Variants in KHDRBS2 observed in about 807,000 individuals in gnomAD.
The protein encoded by KHDRBS2 is KH domain-containing, RNA-binding, signal transduction-associated protein 2.
KHDRBS2 carries 26 observed loss-of-function variants against 44.3 expected under a neutral mutation model. That is an observed-to-expected ratio of 0.59 (90% CI 0.43 to 0.81). KHDRBS2 has a LOEUF of 0.81. Among genes scored for constraint, KHDRBS2 ranks in the 40% least tolerant of loss-of-function variants. The pLI, the probability that KHDRBS2 is intolerant of heterozygous loss-of-function variation, is 0.00. For missense variants in KHDRBS2, 476 were observed against 433.1 expected, an observed-to-expected ratio of 1.10 and a Z score of -0.88; for synonymous variants, 194 against 151.1, an observed-to-expected ratio of 1.28 and a Z score of -2.08.
chr6:61,986,449 G>T (rs569522597), intron 3 of KHDRBS2, among the ~76,000 whole-genome samples: 93 of 152,306 alleles, frequency 6.1e-4, no homozygotes, highest in African/African-American at 2.1e-3. Flanking sequence ...ATAAGGAAGA[G>T]TGTATCAGTT....
intron 1 of KHDRBS2, among the ~76,000 whole-genome samples, chr6:62,212,659 G>A (rs1829269035): frequency 6.6e-6 from 1 of 152,132 alleles, no homozygotes; most frequent in Non-Finnish European, 1.5e-5. Flanking sequence ...TTAGAATGAT[G>A]CAACTACATG....
At chr6:62,170,520 C>T (rs1819772556) in intron 2 of KHDRBS2, among the ~76,000 whole-genome samples, 1 of 152,120 alleles carries the variant, frequency 6.6e-6, no homozygotes, top group Admixed American at 6.5e-5. Context: ...AAGAGCCTAT[C>T]CGCTGGCTAA....
chr6:61,672,490 C>T, the KHDRBS2 span, among the ~76,000 whole-genome samples: 1 of 152,120 alleles, frequency 6.6e-6, no homozygotes, highest in Non-Finnish European at 1.5e-5. Context: ...TATTTCTCCA[C>T]ATCCTCTCCA....
At chr6:61,599,466 C>CT in the KHDRBS2 span, among the ~76,000 whole-genome samples, 1 of 151,808 alleles carries the variant, frequency 6.6e-6, no homozygotes, top group Non-Finnish European at 1.5e-5. Flanking sequence ...ATGTAGCCCC[C>CT]CCAAAAAATT....
chr6:61,874,557 G>A (rs556584517), intron 6 of KHDRBS2, among the ~76,000 whole-genome samples: 40 of 152,042 alleles, frequency 2.6e-4, no homozygotes, highest in African/African-American at 8.4e-4. Context: ...GCTTCTTTTC[G>A]TATATCCACA....
intron 3 of KHDRBS2, among the ~76,000 whole-genome samples, chr6:61,982,598 A>G (rs1346880599): frequency 6.6e-6 from 1 of 151,580 alleles, no homozygotes; most frequent in Non-Finnish European, 1.5e-5. Context: ...ATGAACCCGG[A>G]AGGTGGAGCT....
At chr6:61,961,577 T>C (rs1768733606) in intron 4 of KHDRBS2, among the ~76,000 whole-genome samples, 2 of 151,928 alleles carry the variant, frequency 1.3e-5, no homozygotes, top group Non-Finnish European at 2.9e-5. Flanking sequence ...TTTGAAAGAA[T>C]GACATTTGAA....
intron 2 of KHDRBS2, among the ~76,000 whole-genome samples, chr6:62,108,480 C>T (rs1457461298): frequency 6.6e-6 from 1 of 152,064 alleles, no homozygotes; most frequent in Non-Finnish European, 1.5e-5. Context: ...GAAATAGGAA[C>T]ACTTTTACAC....
chr6:61,579,379 C>A, the KHDRBS2 span, among the ~76,000 whole-genome samples: 3 of 152,092 alleles, frequency 2.0e-5, no homozygotes, highest in Non-Finnish European at 4.4e-5. Context: ...ACTGGGGAAC[C>A]AAAGCAAACT....
At chr6:62,002,978 T>C (rs1247376540) in intron 3 of KHDRBS2, among the ~76,000 whole-genome samples, 1 of 152,136 alleles carries the variant, frequency 6.6e-6, no homozygotes, top group Non-Finnish European at 1.5e-5. Context: ...GGTAATACTA[T>C]TAATTCATAT....
intron 2 of KHDRBS2, among the ~76,000 whole-genome samples, chr6:62,076,302 A>C (rs995234708): frequency 1.3e-5 from 2 of 152,014 alleles, no homozygotes; most frequent in African/African-American, 4.8e-5. Flanking sequence ...AACTCATCTC[A>C]TCTTAACAGA....
At chr6:61,738,463 T>A (rs1476209051) in intron 6 of KHDRBS2, among the ~76,000 whole-genome samples, 6 of 152,020 alleles carry the variant, frequency 3.9e-5, no homozygotes, top group Non-Finnish European at 8.8e-5. Context: ...CCTTATAGGA[T>A]CCTTGTGAAA....
At chr6:61,631,305 CAAAAAAAAA>C in the KHDRBS2 span, among the ~76,000 whole-genome samples, 47 of 66,986 alleles carry the variant, frequency 7.0e-4, no homozygotes, top group Admixed American at 2.1e-3. Flanking sequence ...ACGAATAAGC[CAAAAAAAAA>C]AAAAAAAAAA....
intron 3 of KHDRBS2, among the ~76,000 whole-genome samples, chr6:62,007,918 G>T (rs188607632): frequency 2.0e-5 from 3 of 152,222 alleles, no homozygotes; most frequent in Non-Finnish European, 4.4e-5. Context: ...ATATGGTAGA[G>T]ATAACCTGCA....
the KHDRBS2 span, among the ~76,000 whole-genome samples, chr6:61,560,911 C>A: frequency 9.9e-5 from 15 of 152,106 alleles, no homozygotes; most frequent in African/African-American, 2.9e-4. Flanking sequence ...GAGTTAGGTA[C>A]CTATTTTAGT....
At chr6:61,924,490 GTTAC>G (rs1286425601) in intron 4 of KHDRBS2, among the ~76,000 whole-genome samples, 1 of 150,624 alleles carries the variant, frequency 6.6e-6, no homozygotes, top group African/African-American at 2.4e-5. Context: ...ATTAATTTTA[GTTAC>G]TTCTTTTTAT....
chr6:62,213,650 G>A (rs1180022029), intron 1 of KHDRBS2, among the ~76,000 whole-genome samples: 4 of 151,464 alleles, frequency 2.6e-5, no homozygotes, highest in African/African-American at 4.8e-5. Context: ...TGAGACGGTC[G>A]GATCACAAGG....
At chr6:62,081,815 C>A (rs1158283872) in intron 2 of KHDRBS2, among the ~76,000 whole-genome samples, 1 of 151,670 alleles carries the variant, frequency 6.6e-6, no homozygotes, top group East Asian at 1.9e-4. Context: ...TTTAGATGTT[C>A]ATACATTTTT....
At chr6:61,607,473 ATAAAT>A in the KHDRBS2 span, among the ~76,000 whole-genome samples, 1 of 146,632 alleles carries the variant, frequency 6.8e-6, no homozygotes, top group African/African-American at 2.5e-5. Flanking sequence ...GAATATAAAA[ATAAAT>A]TACATTAGAC....
Sources: gnomAD v4.1 joint callset for allele counts (sites outside exome capture counted in the v4.1 genomes callset) on GRCh38, gnomAD v4.1.1 for gene constraint, MANE v1.5 for transcripts, NCBI Gene and HGNC (gene_info 2026-07-23, HGNC 2026-07-21) for gene names.